The following TBC1D30 variants were observed in gnomAD, a reference collection of about 807,000 sequenced individuals.
TBC1D30 encodes the protein TBC1 domain family, member 30.
In TBC1D30, 31 loss-of-function variants were observed where a neutral mutation model predicts 63.2. The ratio of observed to expected loss-of-function variants is 0.49; its 90% confidence interval spans 0.37 to 0.66. The LOEUF is 0.66. Among genes scored for constraint, TBC1D30 ranks in the 30% least tolerant of loss-of-function variants. The pLI is 0.00. For synonymous variants in TBC1D30, 307 were observed against 361.5 expected, an observed-to-expected ratio of 0.85 and a Z score of 1.71; for missense variants, 810 against 953.6, an observed-to-expected ratio of 0.85 and a Z score of 1.98.
chr12:64,764,126 A>C (rs1006527541), intron 1 of TBC1D30, among the ~76,000 whole-genome samples: 2 of 152,222 alleles, frequency 1.3e-5, no homozygotes, highest in Non-Finnish European at 2.9e-5. Flanking sequence ...TTCCTGTTAG[A>C]AAGTAGTGCC....
chr12:64,807,194 G>A (rs114268097), intron 2 of TBC1D30, among the ~76,000 whole-genome samples: 5 of 152,142 alleles, frequency 3.3e-5, no homozygotes, highest in East Asian at 1.9e-4. Flanking sequence ...CACAAGATCC[G>A]ATGGCTTTAC....
chr12:64,773,543 C>G (rs1870978685), intron 1 of TBC1D30, among the ~76,000 whole-genome samples: 1 of 152,230 alleles, frequency 6.6e-6, no homozygotes, highest in Non-Finnish European at 1.5e-5. Context: ...TGGGTGAGAT[C>G]TCCCAACTGG....
upstream of TBC1D30, among the ~76,000 whole-genome samples, chr12:64,822,057 G>A (rs1873918389): frequency 6.6e-6 from 1 of 152,190 alleles, no homozygotes; most frequent in South Asian, 2.1e-4. Flanking sequence ...TCTTAGGGTT[G>A]CACCATTTCT....
At position 64,878,483 on chromosome 12, in the gene TBC1D30, C is replaced by A; in HGVS notation, c.*2695C>A. 2.2e-6 allele frequency: 1 copy of A among 456,744 alleles called. No individual in the cohort carries two copies. Among genetic ancestry groups the A allele is most frequent in the Non-Finnish European group, 4.4e-6 (1 of 226,964 alleles). 28.3% of individuals were successfully genotyped at this position (456,744 alleles called of 1,614,324 possible). The stretch of plus-strand genomic sequence containing the variant: ...TGCCTCTGCACCTCAGTTCCTCTTA[C>A]AAAAGCCTCCAGATGATCTAAATCT... On this transcript the variant is annotated 3_prime_UTR_variant, in exon 12 of 12. Coordinates refer to ENST00000539867, the MANE Select transcript of TBC1D30 (RefSeq NM_015279.2).
chr12:64,807,817 C>T (rs1275024270), intron 2 of TBC1D30, among the ~76,000 whole-genome samples: 1 of 151,804 alleles, frequency 6.6e-6, no homozygotes, highest in Non-Finnish European at 1.5e-5. Context: ...ATAATCATAG[C>T]TCACTGTAAC....
At chr12:64,835,499 T>C (rs1875265157) in intron 5 of TBC1D30, among the ~76,000 whole-genome samples, 1 of 152,158 alleles carries the variant, frequency 6.6e-6, no homozygotes, top group Non-Finnish European at 1.5e-5. Context: ...CCAGTTATGA[T>C]TTTGTTCTTA....
At chr12:64,777,866 TCTCATGCCTCATC>T (rs1871129018), upstream of TBC1D30, among the ~76,000 whole-genome samples, 1 of 152,246 alleles carries the variant, frequency 6.6e-6, no homozygotes, top group Admixed American at 6.5e-5. Flanking sequence ...TTCAAGTGAT[TCTCATGCCTCATC>T]CTTTCAAGTT....
In TBC1D30 at chr12:64,879,968, A is replaced by G. The variant is rs1020356865; in HGVS notation, c.*4180A>G. 3 of 152,236 alleles carry G rather than the reference A, an allele frequency of 2.0e-5. No homozygotes were observed. Among genetic ancestry groups the G allele is most frequent in the South Asian group, 2.1e-4 (1 of 4,830 alleles). 9.4% of individuals were successfully genotyped at this position (152,236 alleles called of 1,614,324 possible). ...GTTCATTGAAGTATTAAATGTACTA[A>G]TGGAAACCTGAAAACAATATAAACA... On this transcript the variant is annotated 3_prime_UTR_variant, in exon 12 of 12. Transcript: ENST00000539867.
chr12:64,826,580 C>T (rs1350415003), intron 1 of TBC1D30, among the ~76,000 whole-genome samples: 1 of 152,110 alleles, frequency 6.6e-6, no homozygotes, highest in Non-Finnish European at 1.5e-5. Flanking sequence ...GAAACACTCC[C>T]GTGGCCGTTG....
chr12:64,847,358 T>C (rs536101793), intron 8 of TBC1D30, among the ~76,000 whole-genome samples: 2 of 151,816 alleles, frequency 1.3e-5, no homozygotes, highest in South Asian at 2.1e-4. Context: ...TAATCTTTTG[T>C]ATGGTTTTTT....
intron 2 of TBC1D30, among the ~76,000 whole-genome samples, chr12:64,813,476 A>G (rs1873341811): frequency 6.6e-6 from 1 of 152,230 alleles, no homozygotes; most frequent in Non-Finnish European, 1.5e-5. Flanking sequence ...GGAAACTGAG[A>G]CAATGAACTT....
chr12:64,853,851 C>T (rs982655072), intron 8 of TBC1D30, among the ~76,000 whole-genome samples: 6 of 152,160 alleles, frequency 3.9e-5, no homozygotes, highest in African/African-American at 7.2e-5. Flanking sequence ...GTGAGATGAA[C>T]GGGGTATCTC....
At chr12:64,815,058 G>T (rs1326289925) in intron 2 of TBC1D30, among the ~76,000 whole-genome samples, 1 of 152,150 alleles carries the variant, frequency 6.6e-6, no homozygotes, top group East Asian at 1.9e-4. Flanking sequence ...TTTTCATGTA[G>T]ATGCTGATGT....
At chr12:64,791,724 T>A (rs979678160) in intron 2 of TBC1D30, among the ~76,000 whole-genome samples, 3 of 151,598 alleles carry the variant, frequency 2.0e-5, no homozygotes, top group African/African-American at 7.3e-5. Flanking sequence ...ATATATATGT[T>A]TTTTTTAATA....
intron 10 of TBC1D30, chr12:64,868,444 C>T (rs1878398801): frequency 4.3e-6 from 1 of 230,060 alleles, no homozygotes; most frequent in Non-Finnish European, 8.4e-6. Flanking sequence ...AGTTTGGGTT[C>T]TGTAAGAACA....
At position 64,870,795 on chromosome 12, in the gene TBC1D30, G is replaced by A; in HGVS notation, c.1485G>A (p.Val495=). The A allele has an allele frequency of 6.5e-7, 1 of 1,535,994 alleles. No homozygotes were observed. The highest frequency in any genetic ancestry group is 1.4e-5 in the African/African-American group (1 of 73,134). ...AGCAACAGCAGCAGGTTCATCAGGT[G>A]TACATCAGGGCAGGTAATGTGATTC... ...KKKQQQQVHQ[V]YIRADKGPVT... Residue 495 remains valine (V), a synonymous_variant, in exon 11 of 12, where the codon GTG becomes GTA. Coordinates refer to ENST00000539867, the MANE Select transcript of TBC1D30 (RefSeq NM_015279.2).
chr12:64,878,065 T>A lies in TBC1D30; in HGVS notation c.*2277T>A. 1 of 187,292 alleles carries A rather than the reference T, an allele frequency of 5.3e-6. No homozygotes were observed. The highest frequency in any genetic ancestry group is 1.1e-5 in the Non-Finnish European group (1 of 88,246). 11.6% of individuals were successfully genotyped at this position (187,292 alleles called of 1,614,324 possible). A position where few individuals can be genotyped will look rare whatever the true frequency, so the allele number is the denominator to read the frequency against. On this transcript the variant is annotated 3_prime_UTR_variant, in exon 12 of 12. Coordinates refer to ENST00000539867, the MANE Select transcript of TBC1D30 (RefSeq NM_015279.2). ...TTGGTCTTCCTGAGAAGGGGATGGA[T>A]GAGGTAACACACAGTTTGGGATACG...
upstream of TBC1D30, among the ~76,000 whole-genome samples, chr12:64,820,603 C>G (rs1873832965): frequency 2.6e-5 from 4 of 152,214 alleles, no homozygotes; most frequent in South Asian, 8.3e-4. Flanking sequence ...TGTGAATTCA[C>G]TATTATTTGA....
chr12:64,855,638 T>C (rs1173521403), intron 8 of TBC1D30, among the ~76,000 whole-genome samples: 2 of 152,254 alleles, frequency 1.3e-5, no homozygotes, highest in African/African-American at 2.4e-5. Context: ...AGCGTGTCGA[T>C]TGCATTTTTC....
Sources: gnomAD v4.1 joint callset for allele counts (sites outside exome capture counted in the v4.1 genomes callset) on GRCh38, gnomAD v4.1.1 for gene constraint, MANE v1.5 for transcripts, NCBI Gene and HGNC (gene_info 2026-07-23, HGNC 2026-07-21) for gene names.